Variants in HOMER1 observed in about 807,000 individuals in gnomAD.
The protein encoded by HOMER1 is homer protein homolog 1.
A neutral mutation model predicts 48.9 loss-of-function variants in HOMER1; 3 were observed. The ratio of observed to expected loss-of-function variants is 0.06; its 90% CI spans 0.03 to 0.16. The LOEUF (loss-of-function observed/expected upper bound fraction) is 0.16. Ranked by LOEUF, HOMER1 falls within the 10% of genes least tolerant of loss-of-function variation. HOMER1 has a pLI of 1.00. For missense variants in HOMER1, 247 were observed against 411.4 expected, an observed-to-expected ratio of 0.60 and a Z score of 3.46; for synonymous variants, 134 against 146.4, an observed-to-expected ratio of 0.92 and a Z score of 0.61.
At chr5:79,387,510 T>C (rs528107263) in intron 8 of HOMER1, among the ~76,000 whole-genome samples, 2 of 152,332 alleles carry the variant, frequency 1.3e-5, no homozygotes, top group East Asian at 3.9e-4. Flanking sequence ...TAAGCTCTTA[T>C]GAATAAGATG....
At chr5:79,497,193 T>C (rs1036256711) in intron 1 of HOMER1, among the ~76,000 whole-genome samples, 1 of 151,848 alleles carries the variant, frequency 6.6e-6, no homozygotes, top group African/African-American at 2.4e-5. Flanking sequence ...AGCAGAAAAC[T>C]TCAGAAGTCA....
rs1750963463 is a variant in HOMER1, at chr5:79,449,158, A to G, written c.294+1832T>C. 1.3e-5 allele frequency among the ~76,000 whole-genome samples: 2 copies of G among 152,192 alleles called. 1 individual carries two copies. The highest frequency in any genetic ancestry group is 4.1e-4 in the South Asian group (2 of 4,838). Reference sequence around the variant, plus strand: ...AAAAAGCATTTAAGGCAAGTTTGAGAAAATAATCCATGATTTAGTTCTTGT... The same window carrying G: ...AAAAAGCATTTAAGGCAAGTTTGAGGAAATAATCCATGATTTAGTTCTTGT... On this transcript the variant is annotated intron_variant, in intron 3 of 8. Coordinates refer to ENST00000334082, the MANE Select transcript of HOMER1 (RefSeq NM_004272.5).
chr5:79,457,712 T>C (rs1751210920), intron 1 of HOMER1, among the ~76,000 whole-genome samples: 2 of 152,180 alleles, frequency 1.3e-5, no homozygotes, highest in South Asian at 4.1e-4. Flanking sequence ...TATTGATTAG[T>C]TGATGAAAAT....
At chr5:79,446,311 G>A (rs919091128) in intron 4 of HOMER1, among the ~76,000 whole-genome samples, 3 of 152,062 alleles carry the variant, frequency 2.0e-5, no homozygotes, top group African/African-American at 7.2e-5. Context: ...CCCCTCCCCT[G>A]CTTTACCTTT....
At chr5:79,443,530 G>A (rs980312987) in intron 4 of HOMER1, among the ~76,000 whole-genome samples, 10 of 152,082 alleles carry the variant, frequency 6.6e-5, no homozygotes, top group African/African-American at 2.4e-4. Flanking sequence ...ATACAATTAA[G>A]GCATCTGAAT....
At chr5:79,457,562 T>A (rs1271296374) in intron 1 of HOMER1, among the ~76,000 whole-genome samples, 1 of 152,198 alleles carries the variant, frequency 6.6e-6, no homozygotes, top group Non-Finnish European at 1.5e-5. Flanking sequence ...AAGGCTGTGA[T>A]GTGGAGAAAA....
At chr5:79,415,451 T>G (rs1038271777) in intron 5 of HOMER1, among the ~76,000 whole-genome samples, 2 of 152,112 alleles carry the variant, frequency 1.3e-5, no homozygotes, top group African/African-American at 4.8e-5. Context: ...ATAAAGTGAA[T>G]CAGAAGAGCT....
chr5:79,390,958 CCTGAAA>C lies in HOMER1; in HGVS notation c.876+5859_876+5864del, dbSNP rs1391806705. Among the ~76,000 whole-genome samples, 18 of 151,518 alleles carry C rather than the reference CCTGAAA, an allele frequency of 1.2e-4. No homozygotes were observed. The South Asian group carries it at 1.7e-3, about 14-fold the overall frequency. On this transcript the variant is annotated intron_variant, in intron 8 of 8. Coordinates refer to ENST00000334082, the MANE Select transcript of HOMER1 (RefSeq NM_004272.5). ...GCAATGATCAGAGGAAGACCTACAGCCTGAAACACATATATAAATAAAAGTGAAAGA... is the reference window on the plus strand; with the variant it reads ...GCAATGATCAGAGGAAGACCTACAGCCACATATATAAATAAAAGTGAAAGA...
At chr5:79,500,999 C>A (rs1180317185) in intron 1 of HOMER1, among the ~76,000 whole-genome samples, 1 of 148,936 alleles carries the variant, frequency 6.7e-6, no homozygotes, top group East Asian at 2.1e-4. Flanking sequence ...CACACAAGGT[C>A]TGGCTCTATT....
In HOMER1 at chr5:79,374,856, T is replaced by C. The variant is rs1748726070; in HGVS notation, c.*1153A>G. 1 of 152,080 alleles carries C rather than the reference T, an allele frequency of 6.6e-6. No homozygotes were observed. Among genetic ancestry groups the C allele is most frequent in the Admixed American group, 6.5e-5 (1 of 15,268 alleles). The allele number at this position is 152,080 out of a possible 1,614,324, so 9.4% of individuals were successfully genotyped here. A position where few individuals can be genotyped will look rare whatever the true frequency, so the allele number is the denominator to read the frequency against. ...TAATTCCTGTTTTGAAATACCTAGT[T>C]AACAATTCAGAATATTGCCTTGTGA... On this transcript the variant is annotated 3_prime_UTR_variant, in exon 9 of 9. Coordinates refer to ENST00000334082, the MANE Select transcript of HOMER1 (RefSeq NM_004272.5).
chr5:79,430,884 C>A (rs1339284588), intron 5 of HOMER1, among the ~76,000 whole-genome samples: 3 of 151,600 alleles, frequency 2.0e-5, no homozygotes, highest in African/African-American at 7.3e-5. Flanking sequence ...TTGCAATGAG[C>A]TGAGATCCAG....
At chr5:79,403,904 C>A (rs1244281253) in intron 5 of HOMER1, among the ~76,000 whole-genome samples, 1 of 152,172 alleles carries the variant, frequency 6.6e-6, no homozygotes, top group African/African-American at 2.4e-5. Context: ...AATCAAGCAA[C>A]AAGCTAAGCT....
intron 1 of HOMER1, 119 bp downstream of exon 1, chr5:79,512,651 A>C (rs372743232): frequency 3.5e-5 from 33 of 930,058 alleles, no homozygotes; most frequent in East Asian, 3.1e-4. Context: ...TCTTTAAAGT[A>C]TGACCAGCTT....
intron 8 of HOMER1, among the ~76,000 whole-genome samples, chr5:79,385,836 C>A (rs534542331): frequency 1.3e-4 from 11 of 84,914 alleles, no homozygotes; most frequent in South Asian, 1.1e-3. Context: ...GAGCAAGACT[C>A]TGTCTCAAAA....
intron 8 of HOMER1, among the ~76,000 whole-genome samples, chr5:79,394,472 T>C (rs553585739): frequency 3.3e-5 from 5 of 152,220 alleles, no homozygotes; most frequent in Non-Finnish European, 5.9e-5. Flanking sequence ...GTAGGTTGTT[T>C]TGATAATATT....
intron 1 of HOMER1, among the ~76,000 whole-genome samples, chr5:79,472,990 A>G (rs912922583): frequency 6.6e-6 from 1 of 152,186 alleles, no homozygotes; most frequent in Non-Finnish European, 1.5e-5. Context: ...ATCCTACACA[A>G]GTAATCTTTA....
intron 5 of HOMER1, among the ~76,000 whole-genome samples, chr5:79,403,057 C>G (rs910270788): frequency 2.0e-5 from 3 of 152,146 alleles, no homozygotes; most frequent in Non-Finnish European, 2.9e-5. Context: ...AGTACCTCAA[C>G]TAAAACAATT....
chr5:79,404,972 G>A (rs1001275209), intron 5 of HOMER1, among the ~76,000 whole-genome samples: 2 of 151,884 alleles, frequency 1.3e-5, no homozygotes, highest in East Asian at 3.9e-4. Flanking sequence ...GCCTTCCAAA[G>A]TGCTGGGATT....
At chr5:79,509,936 A>G (rs180863858) in intron 1 of HOMER1, among the ~76,000 whole-genome samples, 2 of 152,358 alleles carry the variant, frequency 1.3e-5, no homozygotes, top group Middle Eastern at 3.4e-3. Flanking sequence ...AATTTTAGAT[A>G]TCTATTACAG....
Sources: gnomAD v4.1 joint callset for allele counts (sites outside exome capture counted in the v4.1 genomes callset) on GRCh38, gnomAD v4.1.1 for gene constraint, MANE v1.5 for transcripts, NCBI Gene and HGNC (gene_info 2026-07-23, HGNC 2026-07-21) for gene names.